RBM47: variants seen among roughly 807,000 people sequenced by gnomAD.
RBM47 encodes RNA binding motif protein 47, also known as RNA-binding protein 47.
RBM47 carries 21 observed loss-of-function variants against 47.1 expected under a neutral mutation model. The observed-to-expected ratio is 0.45, with a 90% CI of 0.32 to 0.64. RBM47 has a LOEUF of 0.64. RBM47 is among the 30% of genes least tolerant of loss of function. The pLI, the probability that RBM47 is intolerant of heterozygous loss-of-function variation, is 0.05. For synonymous variants in RBM47, 375 were observed against 361.7 expected (o/e 1.04, Z -0.42); for missense variants, 708 against 870.9 (o/e 0.81, Z 2.35).
At chr4:40,603,936 T>C (rs1488583617) in intron 1 of RBM47, among the ~76,000 whole-genome samples, 3 of 152,116 alleles carry the variant, frequency 2.0e-5, no homozygotes, top group Admixed American at 6.6e-5. Flanking sequence ...GATTTTATGT[T>C]CCTGTCCCTG....
Position 40,532,669 on chromosome 4 carries a change from A to ATT in RBM47, c.-155+11751_-155+11752dup, listed in dbSNP as rs373863530. 6.4e-4 allele frequency among the ~76,000 whole-genome samples: 90 copies of ATT among 141,032 alleles called. 1 individual carries two copies. Among genetic ancestry groups the ATT allele is most frequent in the African/African-American group, 2.0e-3 (75 of 37,692 alleles). The allele number at this position is 141,032 out of a possible 152,430, so 92.5% of individuals were successfully genotyped here. A position where few individuals can be genotyped will look rare whatever the true frequency, so the allele number is the denominator to read the frequency against. ...TTTTTCTTTTTAAATATTTTTTTCC[A>ATT]TTTTTTTTTTGAGACGCCTGGCCCA... On this transcript the variant is annotated intron_variant, in intron 2 of 6. Coordinates refer to ENST00000295971, the MANE Select transcript of RBM47 (RefSeq NM_001098634.2).
chr4:40,463,737 ATTGCAGTTT>A (rs1489362560), intron 3 of RBM47, among the ~76,000 whole-genome samples: 1 of 150,444 alleles, frequency 6.6e-6, no homozygotes, highest in Non-Finnish European at 1.5e-5. Context: ...TGCAAAAGTG[ATTGCAGTTT>A]TTGTCGTTAC....
chr4:40,445,587 T>G lies in RBM47; in HGVS notation c.-31-6663A>C, dbSNP rs369514468. 5.8e-4 allele frequency among the ~76,000 whole-genome samples: 89 copies of G among 152,336 alleles called. 1 individual carries two copies. The highest frequency in any genetic ancestry group is 2.0e-3 in the African/African-American group (82 of 41,582). On this transcript the variant is annotated intron_variant, in intron 3 of 6. Transcript: ENST00000295971. ...GAGCTGACTTCTGAGTTAAGTGAAC[T>G]CAGTTAACTGAATTACGCTTCAAAT...
intron 1 of RBM47, among the ~76,000 whole-genome samples, chr4:40,558,757 G>C (rs1345476954): frequency 2.6e-5 from 4 of 151,844 alleles, no homozygotes; most frequent in Admixed American, 2.0e-4. Context: ...GAACTCGGGA[G>C]GCAGAGGTTG....
At chr4:40,442,596 T>C (rs780348014) in intron 3 of RBM47, among the ~76,000 whole-genome samples, 2 of 152,138 alleles carry the variant, frequency 1.3e-5, no homozygotes, top group Non-Finnish European at 2.9e-5. Flanking sequence ...TGCCAAAAGA[T>C]GGAAGCAACC....
chr4:40,574,108 A>C (rs2154269457), intron 1 of RBM47, among the ~76,000 whole-genome samples: 1 of 152,366 alleles, frequency 6.6e-6, no homozygotes, highest in African/African-American at 2.4e-5. Context: ...GGAAGAATCC[A>C]GATTGTGCAA....
chr4:40,595,238 G>A (rs1318113261), intron 1 of RBM47, among the ~76,000 whole-genome samples: 1 of 152,174 alleles, frequency 6.6e-6, no homozygotes, highest in Non-Finnish European at 1.5e-5. Flanking sequence ...GCTCATGCCT[G>A]TATTCCCAGC....
chr4:40,566,276 C>A (rs1306705429), intron 1 of RBM47, among the ~76,000 whole-genome samples: 1 of 152,138 alleles, frequency 6.6e-6, no homozygotes, highest in Non-Finnish European at 1.5e-5. Context: ...CTCATTCTCA[C>A]AATAAGTCAC....
At chr4:40,560,044 T>C (rs1053944754) in intron 1 of RBM47, among the ~76,000 whole-genome samples, 1 of 152,166 alleles carries the variant, frequency 6.6e-6, no homozygotes, top group Non-Finnish European at 1.5e-5. Context: ...ATTACTCTCT[T>C]ATTTTTCCAT....
At chr4:40,514,362 G>A (rs373591080) in intron 2 of RBM47, among the ~76,000 whole-genome samples, 5 of 152,106 alleles carry the variant, frequency 3.3e-5, no homozygotes, top group African/African-American at 1.2e-4. Flanking sequence ...ACAATTATCC[G>A]GGGACTCCGA....
chr4:40,613,948 C>T (rs946914407), intron 1 of RBM47, among the ~76,000 whole-genome samples: 1 of 151,998 alleles, frequency 6.6e-6, no homozygotes, highest in African/African-American at 2.4e-5. Flanking sequence ...CAGCAGTACA[C>T]CTGGCCTTTA....
At chr4:40,502,931 G>C (rs542417808) in intron 2 of RBM47, among the ~76,000 whole-genome samples, 2 of 149,856 alleles carry the variant, frequency 1.3e-5, no homozygotes, top group African/African-American at 4.9e-5. Flanking sequence ...CTTGAGGCTA[G>C]GAGTTCAAGA....
chr4:40,530,827 C>T (rs867830566), intron 2 of RBM47, among the ~76,000 whole-genome samples: 10 of 152,230 alleles, frequency 6.6e-5, no homozygotes, highest in East Asian at 3.9e-4. Context: ...AGGCGAGGCA[C>T]GGTGGCTCAC....
At chr4:40,525,786 C>T (rs181205923) in intron 2 of RBM47, among the ~76,000 whole-genome samples, 4 of 152,254 alleles carry the variant, frequency 2.6e-5, no homozygotes, top group African/African-American at 9.6e-5. Context: ...GCTCCAGGGC[C>T]CTTGGACACC....
At chr4:40,573,044 T>G (rs921064292) in intron 1 of RBM47, among the ~76,000 whole-genome samples, 1 of 150,488 alleles carries the variant, frequency 6.6e-6, no homozygotes, top group Non-Finnish European at 1.5e-5. Context: ...TCCCAGCTAA[T>G]TGGGAGGCTG....
intron 2 of RBM47, among the ~76,000 whole-genome samples, chr4:40,485,576 T>G (rs76450992): frequency 6.6e-6 from 1 of 152,248 alleles, no homozygotes; most frequent in East Asian, 1.9e-4. Context: ...CACAGTATGT[T>G]TTTAGAAACA....
At chr4:40,556,539 T>G (rs566923096) in intron 1 of RBM47, among the ~76,000 whole-genome samples, 4 of 152,180 alleles carry the variant, frequency 2.6e-5, no homozygotes, top group Admixed American at 1.3e-4. Context: ...TTGCTATTAC[T>G]TTTAATGGCA....
intron 4 of RBM47, among the ~76,000 whole-genome samples, chr4:40,437,090 A>AAAAT (rs1256296949): frequency 4.0e-5 from 2 of 49,852 alleles, no homozygotes; most frequent in African/African-American, 2.2e-4. Context: ...AAAAAAAAAA[A>AAAAT]ATATATATAT....
Position 40,438,652 on chromosome 4 carries a change from T to A in RBM47, c.242A>T (p.Asp81Val). ...CEVFVGKIPR[D>V]VYEDELVPVF... ...GGGCACCAGCTCGTCCTCGTACACGTCGCGCGGGATCTTGCCCACGAAGAC... is the reference window on the plus strand; with the variant it reads ...GGGCACCAGCTCGTCCTCGTACACGACGCGCGGGATCTTGCCCACGAAGAC... The change falls in exon 4 of 7, where the codon GAC becomes GTC. Residue 81 changes from aspartate (D) to valine (V), a missense_variant. Asp to Val is a radical substitution (Grantham distance 152, BLOSUM62 -3). Coordinates refer to ENST00000295971, the MANE Select transcript of RBM47 (RefSeq NM_001098634.2). 1 of 1,612,306 alleles carries A rather than the reference T, an allele frequency of 6.2e-7. No homozygotes were observed. The highest frequency in any genetic ancestry group is 8.5e-7 in the Non-Finnish European group (1 of 1,179,006).
Sources: gnomAD v4.1 joint callset for allele counts (sites outside exome capture counted in the v4.1 genomes callset) on GRCh38, gnomAD v4.1.1 for gene constraint, MANE v1.5 for transcripts, NCBI Gene and HGNC (gene_info 2026-07-23, HGNC 2026-07-21) for gene names.